TMCO6: variants seen among roughly 807,000 people sequenced by gnomAD.
The protein encoded by TMCO6 is transmembrane and coiled-coil domains 6.
Under a neutral mutation model 61.8 loss-of-function variants are expected in TMCO6, and 47 were observed. That is an observed-to-expected ratio of 0.76 (90% CI 0.60 to 0.97). The LOEUF is 0.97. Ranked by LOEUF, TMCO6 falls within the 50% of genes least tolerant of loss-of-function variation. TMCO6 has a pLI of 0.00. For synonymous variants in TMCO6, 261 were observed against 254.2 expected, an observed-to-expected ratio of 1.03 and a Z score of -0.25; for missense variants, 557 against 601.6, an observed-to-expected ratio of 0.93 and a Z score of 0.78.
In TMCO6 at chr5:140,643,817, T is replaced by C. The variant is rs1389945051; in HGVS notation, c.956T>C (p.Leu319Pro). 6.2e-7 allele frequency: 1 copy of C among 1,614,106 alleles called. No individual in the cohort carries two copies. Among genetic ancestry groups the C allele is most frequent in the African/African-American group, 1.3e-5 (1 of 74,944 alleles). Residue 319 changes from leucine (L) to proline (P), a missense_variant, in exon 9 of 12, where the codon CTA becomes CCA. Transcript: ENST00000394671. ...GTGCTTCGATGTCTAAGCAACCTGC[T>C]AACTGAGGCAGCAGTGGAGACTGTG... ...CPVLRCLSNL[L>P]TEAAVETVGG...
rs201866963 is a variant in TMCO6, at chr5:140,641,692, C to A, written c.226C>A (p.Arg76=). ...GCAGCAGTTCCTGCGGCAAGCCCAG[C>A]GGGGGACAGAGGAAAAGGAGAGAGA... ...EVQQFLRQAQ[R]GTEEKEREGA... The change falls in exon 3 of 12, where the codon CGG becomes AGG. Residue 76 remains arginine (R), a synonymous_variant. Transcript: ENST00000394671. The A allele has an allele frequency of 4.3e-6, 7 of 1,614,036 alleles. No individual in the cohort carries two copies. Among genetic ancestry groups the A allele is most frequent in the Non-Finnish European group, 5.9e-6 (7 of 1,179,994 alleles).
At chr5:140,647,546 T>A, downstream of TMCO6, 6 of 1,612,044 alleles carry the variant, frequency 3.7e-6, no homozygotes, top group Non-Finnish European at 5.1e-6. Flanking sequence ...CAGGCCCAGC[T>A]TTGCCCCGAC....
the TMCO6 span, among the ~76,000 whole-genome samples, chr5:140,608,055 G>T: frequency 6.6e-6 from 1 of 152,138 alleles, no homozygotes; most frequent in Non-Finnish European, 1.5e-5. Context: ...CTCTCCAAGT[G>T]CTGGGATTAC....
the TMCO6 span, among the ~76,000 whole-genome samples, chr5:140,627,902 T>TA: frequency 5.4e-5 from 8 of 149,192 alleles, no homozygotes; most frequent in South Asian, 2.1e-4. Flanking sequence ...TCTCAAAAAA[T>TA]AAAAAAAACA....
chr5:140,642,779 G>A (rs1412490829), intron 6 of TMCO6, 108 bp downstream of exon 6: 2 of 1,583,132 alleles, frequency 1.3e-6, no homozygotes, highest in Non-Finnish European at 1.7e-6. Context: ...AAATTCATGT[G>A]TCTGGCTAGG....
the TMCO6 span, among the ~76,000 whole-genome samples, chr5:140,597,339 G>A: frequency 6.6e-6 from 1 of 151,542 alleles, no homozygotes; most frequent in Non-Finnish European, 1.5e-5. Context: ...GATGTAATAT[G>A]AAATATAAGA....
At chr5:140,602,944 A>G in the TMCO6 span, among the ~76,000 whole-genome samples, 1 of 152,110 alleles carries the variant, frequency 6.6e-6, no homozygotes, top group Admixed American at 6.6e-5. Flanking sequence ...CCCCGTCTCT[A>G]CTAATAATAC....
the TMCO6 span, among the ~76,000 whole-genome samples, chr5:140,613,558 T>C: frequency 6.6e-6 from 1 of 152,088 alleles, no homozygotes; most frequent in African/African-American, 2.4e-5. Context: ...TTTCGGTTTT[T>C]ACACTAAAAC....
At chr5:140,639,875 C>T (rs765330575) in intron 2 of TMCO6, 24 bp downstream of exon 2, 1 of 1,574,480 alleles carries the variant, frequency 6.4e-7, no homozygotes. Context: ...GTAGGGTGCG[C>T]TGGAGTCCAC....
At chr5:140,605,692 AACACACACAC>A in the TMCO6 span, among the ~76,000 whole-genome samples, 920 of 118,662 alleles carry the variant, frequency 7.8e-3, 15 homozygotes, top group African/African-American at 0.026. Context: ...AAAAAAACAA[AACACACACAC>A]ACACACACAC....
chr5:140,629,330 TA>T, the TMCO6 span, among the ~76,000 whole-genome samples: 4 of 151,670 alleles, frequency 2.6e-5, no homozygotes, highest in Non-Finnish European at 5.9e-5. Context: ...AATAAATAAA[TA>T]AAATGTTGCA....
In TMCO6 at chr5:140,643,426, A is replaced by G. The variant is rs1757171276; in HGVS notation, c.807-138A>G. ...TGGCCAGGCTGGTCTCAAACTCCTG[A>G]CCTCAGGTGATCCACCCACCTCAGC... On this transcript the variant is annotated intron_variant, in intron 7 of 11. Transcript: ENST00000394671. The G allele has an allele frequency of 5.0e-6, 4 of 804,050 alleles. 1 individual carries two copies. The highest frequency in any genetic ancestry group is 8.5e-6 in the Non-Finnish European group (4 of 470,872). The allele number at this position is 804,050 out of a possible 1,614,324, so 49.8% of individuals were successfully genotyped here.
the TMCO6 span, among the ~76,000 whole-genome samples, chr5:140,603,410 C>T: frequency 6.6e-6 from 1 of 152,094 alleles, no homozygotes; most frequent in African/African-American, 2.4e-5. Flanking sequence ...CAGGTTCAAG[C>T]GCTTTTCCTG....
chr5:140,631,845 T>A, the TMCO6 span: 1 of 1,528,036 alleles, frequency 6.5e-7, no homozygotes. Flanking sequence ...TTCATTATTC[T>A]GTCTTGGATC....
the TMCO6 span, among the ~76,000 whole-genome samples, chr5:140,600,215 T>C: frequency 6.6e-6 from 1 of 152,188 alleles, no homozygotes; most frequent in African/African-American, 2.4e-5. Context: ...TGATAAGAAA[T>C]AAGTAATTTC....
At chr5:140,629,941 A>G in the TMCO6 span, among the ~76,000 whole-genome samples, 3 of 151,938 alleles carry the variant, frequency 2.0e-5, no homozygotes, top group East Asian at 5.8e-4. Context: ...CTCAAAAAAA[A>G]AAAAAAAAGG....
the TMCO6 span, among the ~76,000 whole-genome samples, chr5:140,598,647 A>C: frequency 3.9e-5 from 6 of 152,280 alleles, no homozygotes; most frequent in Admixed American, 3.9e-4. Flanking sequence ...GTAAGTGTCT[A>C]TTCCTGGCCG....
At chr5:140,640,613 G>A (rs534358884) in intron 2 of TMCO6, among the ~76,000 whole-genome samples, 1 of 152,012 alleles carries the variant, frequency 6.6e-6, no homozygotes, top group African/African-American at 2.4e-5. Flanking sequence ...TTGTCAGGCT[G>A]GTCTGGAACA....
At chr5:140,640,587 C>CG (rs978221615) in intron 2 of TMCO6, among the ~76,000 whole-genome samples, 5 of 151,888 alleles carry the variant, frequency 3.3e-5, no homozygotes, top group African/African-American at 1.2e-4. Context: ...TAAGTAGAGG[C>CG]GGGGTTTCAT....
Sources: gnomAD v4.1 joint callset for allele counts (sites outside exome capture counted in the v4.1 genomes callset) on GRCh38, gnomAD v4.1.1 for gene constraint, MANE v1.5 for transcripts, NCBI Gene and HGNC (gene_info 2026-07-23, HGNC 2026-07-21) for gene names.